DDC: variants seen among roughly 807,000 people sequenced by gnomAD.
The protein encoded by DDC is aromatic-L-amino-acid decarboxylase.
In DDC, 43 loss-of-function variants were observed where a neutral mutation model predicts 60.0. The observed-to-expected ratio is 0.72, with a 90% CI of 0.56 to 0.92. DDC has a LOEUF of 0.92. DDC is among the 40% of genes least tolerant of loss of function. The pLI, the probability that DDC is intolerant of heterozygous loss-of-function variation, is 0.00. For missense variants in DDC, 573 were observed against 620.2 expected, an observed-to-expected ratio of 0.92 and a Z score of 0.81; for synonymous variants, 232 against 234.6, an observed-to-expected ratio of 0.99 and a Z score of 0.10.
At chr7:50,503,582 A>C (rs991749765) in intron 7 of DDC, among the ~76,000 whole-genome samples, 6 of 152,202 alleles carry the variant, frequency 3.9e-5, no homozygotes, top group African/African-American at 1.4e-4. Flanking sequence ...AATTCCAAAA[A>C]AAGGTGAAAA....
chr7:50,474,876 C>G (rs2042607798), intron 11 of DDC, among the ~76,000 whole-genome samples: 1 of 151,942 alleles, frequency 6.6e-6, no homozygotes, highest in Non-Finnish European at 1.5e-5. Context: ...AGTGTTCGTG[C>G]CTGTTACCCC....
chr7:50,460,298 C>T (rs567725558), intron 14 of DDC, among the ~76,000 whole-genome samples: 18 of 143,568 alleles, frequency 1.3e-4, no homozygotes, highest in South Asian at 4.4e-4. Flanking sequence ...TCTGCCCGGC[C>T]GCCCCTACTG....
chr7:50,480,033 A>G (rs2042732207), intron 9 of DDC, 170 bp from the exon 10 acceptor site: 1 of 638,768 alleles, frequency 1.6e-6, no homozygotes, highest in Admixed American at 2.6e-5. Context: ...AGGGCGTCTT[A>G]GAATAAAAAA....
chr7:50,502,414 C>T (rs775846142), intron 7 of DDC, among the ~76,000 whole-genome samples: 9 of 152,164 alleles, frequency 5.9e-5, no homozygotes, highest in African/African-American at 1.4e-4. Context: ...CAGAAGACCT[C>T]GGCCCTTTAA....
chr7:50,502,123 C>A (rs1350962248), intron 7 of DDC, among the ~76,000 whole-genome samples: 1 of 152,134 alleles, frequency 6.6e-6, no homozygotes, highest in Non-Finnish European at 1.5e-5. Context: ...ATGCATTCTG[C>A]CAATGGATGA....
intron 4 of DDC, among the ~76,000 whole-genome samples, chr7:50,529,657 G>A (rs555397748): frequency 2.6e-5 from 4 of 152,144 alleles, no homozygotes; most frequent in Admixed American, 6.5e-5. Flanking sequence ...GGCCTAGGAC[G>A]ACTGCTCCTG....
In DDC at chr7:50,459,982, G is replaced by A. The variant is rs1292172858; in HGVS notation, c.*19-1139C>T. On this transcript the variant is annotated intron_variant, in intron 14 of 14. Coordinates refer to ENST00000444124, the MANE Select transcript of DDC (RefSeq NM_001082971.2). The stretch of plus-strand genomic sequence containing the variant: ...CCGCCCCATCTGGGAGGTGAGGGGC[G>A]CCTCTGCCCGGCTGCCCCTACTGGG... 1.3e-4 allele frequency among the ~76,000 whole-genome samples: 18 copies of A among 142,542 alleles called. 1 individual carries two copies. The highest frequency in any genetic ancestry group is 3.6e-4 in the African/African-American group (13 of 36,550). The allele number at this position is 142,542 out of a possible 152,430, so 93.5% of individuals were successfully genotyped here.
At chr7:50,546,988 C>T (rs2044827359) in intron 1 of DDC, among the ~76,000 whole-genome samples, 1 of 152,150 alleles carries the variant, frequency 6.6e-6, no homozygotes, top group Admixed American at 6.6e-5. Context: ...TTCCTTGGGG[C>T]CTGCAGGCTT....
intron 12 of DDC, 90 bp downstream of exon 12, chr7:50,469,979 CAAAA>C: frequency 1.4e-6 from 1 of 705,458 alleles, no homozygotes; most frequent in Non-Finnish European, 2.4e-6. Flanking sequence ...AACTCTGTCT[CAAAA>C]AAAAAAAAAG....
chr7:50,499,036 G>A, intron 8 of DDC, 112 bp downstream of exon 8: 1 of 864,984 alleles, frequency 1.2e-6, no homozygotes, highest in Admixed American at 1.8e-5. Flanking sequence ...AAACATAATT[G>A]GCTGAAACAA....
intron 14 of DDC, among the ~76,000 whole-genome samples, chr7:50,460,555 A>G (rs889952571): frequency 1.3e-5 from 2 of 151,604 alleles, no homozygotes; most frequent in Admixed American, 1.3e-4. Flanking sequence ...GGTGTACCCA[A>G]CAGCTCATTG....
At chr7:50,470,563 T>C (rs923785502) in intron 11 of DDC, among the ~76,000 whole-genome samples, 3 of 152,218 alleles carry the variant, frequency 2.0e-5, no homozygotes, top group African/African-American at 4.8e-5. Flanking sequence ...GTAATTTTCA[T>C]TGATGTCCTT....
chr7:50,504,152 T>A, intron 6 of DDC, 93 bp from the exon 7 acceptor site: 1 of 874,818 alleles, frequency 1.1e-6, no homozygotes, highest in Non-Finnish European at 2.0e-6. Context: ...TGGTCCAACC[T>A]GGGGCCATGA....
chr7:50,563,230 TA>T (rs1034230020), intron 1 of DDC, among the ~76,000 whole-genome samples: 4 of 152,118 alleles, frequency 2.6e-5, no homozygotes, highest in Non-Finnish European at 4.4e-5. Flanking sequence ...AATTGAATTC[TA>T]ATTTAATTAA....
chr7:50,464,453 T>C (rs902365945), intron 13 of DDC, among the ~76,000 whole-genome samples: 14 of 152,008 alleles, frequency 9.2e-5, no homozygotes, highest in Admixed American at 8.5e-4. Flanking sequence ...GCTGGGTGAA[T>C]CTGGATGAGG....
intron 1 of DDC, chr7:50,561,212 C>CA (rs2045339625): frequency 1.3e-5 from 2 of 152,118 alleles, no homozygotes. Flanking sequence ...ACTCTGCCCC[C>CA]AGGGGGAGAG....
At chr7:50,492,904 T>C in intron 9 of DDC, 1 of 1,595,490 alleles carries the variant, frequency 6.3e-7, no homozygotes, top group Non-Finnish European at 8.5e-7. Context: ...GCATCAGCTC[T>C]GCGGCAGGCA....
intron 13 of DDC, among the ~76,000 whole-genome samples, chr7:50,465,466 G>A (rs1326637006): frequency 0.021 from 2 of 94 alleles, no homozygotes; most frequent in Non-Finnish European, 0.031. Context: ...CGCCTCCCAG[G>A]TTCAATGTGG....
chr7:50,467,312 C>T lies in DDC; in HGVS notation c.1144G>A (p.Val382Ile). 6.2e-7 allele frequency: 1 copy of T among 1,613,764 alleles called. No homozygotes were observed. The change falls in exon 13 of 15, where the codon GTC becomes ATC. Residue 382 changes from valine (V) to isoleucine (I), a missense_variant. By Grantham distance (29) the Val-to-Ile change is conservative. Transcript: ENST00000444124. The stretch of plus-strand genomic sequence containing the variant: ...GACTCAAACTCATGGGACAGCTGGA[C>T]ATGCTTCAAAGAGGAAAGGGAAAAT... ...KGLQAYIRKH[V>I]QLSHEFESLV...
Sources: gnomAD v4.1 joint callset for allele counts (sites outside exome capture counted in the v4.1 genomes callset) on GRCh38, gnomAD v4.1.1 for gene constraint, MANE v1.5 for transcripts, NCBI Gene and HGNC (gene_info 2026-07-23, HGNC 2026-07-21) for gene names.